LTBP1: variants seen among roughly 807,000 people sequenced by gnomAD.
The protein encoded by LTBP1 is latent-transforming growth factor beta-binding protein 1.
A neutral mutation model predicts 207.6 loss-of-function variants in LTBP1; 129 were observed. The ratio of observed to expected loss-of-function variants is 0.62; its 90% CI spans 0.54 to 0.72. LTBP1 has a LOEUF of 0.72. LTBP1 is among the 30% of genes least tolerant of loss of function. The pLI is 0.00. For missense variants in LTBP1, 2,281 were observed against 2,217.2 expected, an observed-to-expected ratio of 1.03 and a Z score of -0.58; for synonymous variants, 963 against 833.7, an observed-to-expected ratio of 1.16 and a Z score of -2.67.
At chr2:33,325,293 T>C (rs142071380) in intron 24 of LTBP1, among the ~76,000 whole-genome samples, 144 of 152,326 alleles carry the variant, frequency 9.5e-4, no homozygotes, top group African/African-American at 3.3e-3. Flanking sequence ...CTTGGCCTCC[T>C]ATTTGAATAT....
intron 3 of LTBP1, among the ~76,000 whole-genome samples, chr2:33,053,579 AG>A: frequency 6.6e-6 from 1 of 152,010 alleles, no homozygotes; most frequent in African/African-American, 2.4e-5. Context: ...CCTTGATTAG[AG>A]GGGCCTGGCT....
At chr2:33,144,114 TGAGA>T (rs1032874996) in intron 5 of LTBP1, among the ~76,000 whole-genome samples, 7 of 151,670 alleles carry the variant, frequency 4.6e-5, no homozygotes, top group African/African-American at 1.7e-4. Context: ...GTAGAGGCGT[TGAGA>T]GAGAGTGTGC....
At chr2:33,030,234 C>G (rs917087722) in intron 3 of LTBP1, among the ~76,000 whole-genome samples, 1 of 152,144 alleles carries the variant, frequency 6.6e-6, no homozygotes, top group African/African-American at 2.4e-5. Flanking sequence ...GTTCTTAACT[C>G]AGACGGGAAG....
chr2:33,323,248 C>T (rs1305858379), intron 24 of LTBP1, among the ~76,000 whole-genome samples: 1 of 152,150 alleles, frequency 6.6e-6, no homozygotes, highest in Non-Finnish European at 1.5e-5. Flanking sequence ...TTGAATATCT[C>T]ATGTAATTTA....
chr2:33,265,729 T>A (rs545331683), intron 15 of LTBP1, among the ~76,000 whole-genome samples: 10 of 152,140 alleles, frequency 6.6e-5, no homozygotes, highest in African/African-American at 2.4e-4. Context: ...TTTAAGTGTT[T>A]TATTTTAGAT....
chr2:33,188,235 A>G (rs2087421606), intron 6 of LTBP1, among the ~76,000 whole-genome samples: 1 of 152,110 alleles, frequency 6.6e-6, no homozygotes, highest in African/African-American at 2.4e-5. Flanking sequence ...AGCCTGGCCA[A>G]CGTGGTGAAA....
At position 33,275,109 on chromosome 2, in the gene LTBP1, C is replaced by T. The variant is rs200057643; in HGVS notation, c.2869+19C>T. 1.2e-6 allele frequency: 2 copies of T among 1,612,806 alleles called. No homozygotes were observed. The highest frequency in any genetic ancestry group is 1.7e-6 in the Non-Finnish European group (2 of 1,179,196). On this transcript the variant is annotated intron_variant, in intron 17 of 33. Transcript: ENST00000404816. ...TGCATAGGTAATGGCAGCATTCTTC[C>T]TGCTTACAAATTCTTAGATCTGAGT...
At chr2:33,152,188 C>G (rs915893869) in intron 5 of LTBP1, among the ~76,000 whole-genome samples, 7 of 151,956 alleles carry the variant, frequency 4.6e-5, no homozygotes, top group Non-Finnish European at 1.0e-4. Context: ...GGACTAATAT[C>G]CAGAATCTAC....
At chr2:33,166,473 T>G (rs1053638209) in intron 5 of LTBP1, among the ~76,000 whole-genome samples, 7 of 152,206 alleles carry the variant, frequency 4.6e-5, no homozygotes, top group Non-Finnish European at 8.8e-5. Context: ...TTCTTCCATG[T>G]CTCTGATTCT....
intron 15 of LTBP1, among the ~76,000 whole-genome samples, chr2:33,263,603 TA>T (rs1437340686): frequency 1.3e-5 from 2 of 152,158 alleles, no homozygotes; most frequent in East Asian, 3.8e-4. Flanking sequence ...AGTATTAAAA[TA>T]ATGTTTGAAA....
chr2:32,948,788 C>A, intron 1 of LTBP1, 87 bp from the exon 2 acceptor site: 1 of 1,252,000 alleles, frequency 8.0e-7, no homozygotes, highest in Non-Finnish European at 1.2e-6. Flanking sequence ...AAGCTGGAGG[C>A]TGGCCTTTCT....
intron 5 of LTBP1, among the ~76,000 whole-genome samples, chr2:33,174,079 C>G (rs927047509): frequency 2.1e-5 from 3 of 146,292 alleles, no homozygotes; most frequent in Admixed American, 1.4e-4. Flanking sequence ...GGAAGCATTC[C>G]CTTTGAAAAG....
intron 2 of LTBP1, among the ~76,000 whole-genome samples, chr2:33,011,278 G>C (rs2149099667): frequency 6.6e-6 from 1 of 152,182 alleles, no homozygotes; most frequent in Non-Finnish European, 1.5e-5. Context: ...TTTTTGAATT[G>C]ACTAGAACAT....
At chr2:33,136,218 G>T (rs2082133316) in intron 5 of LTBP1, among the ~76,000 whole-genome samples, 1 of 152,200 alleles carries the variant, frequency 6.6e-6, no homozygotes, top group African/African-American at 2.4e-5. Context: ...GTTTTTAAAA[G>T]AATTTAGCCA....
At chr2:32,971,750 T>A (rs1274513384) in intron 2 of LTBP1, among the ~76,000 whole-genome samples, 1 of 152,166 alleles carries the variant, frequency 6.6e-6, no homozygotes, top group Non-Finnish European at 1.5e-5. Context: ...GGCCTGAAGC[T>A]TTTTTTGTTT....
rs558210254 is a variant in LTBP1, at chr2:33,398,637, G to A, written c.*92G>A. 1.1e-5 allele frequency: 14 copies of A among 1,248,546 alleles called. No individual in the cohort carries two copies. Among genetic ancestry groups the A allele is most frequent in the African/African-American group, 6.1e-5 (4 of 65,684 alleles). The allele number at this position is 1,248,546 out of a possible 1,614,324, so 77.3% of individuals were successfully genotyped here. ...ATACTTGAGACATTGCACCTACCCC[G>A]GAAGGCTGGAAATACAGAAACAGCA... On this transcript the variant is annotated 3_prime_UTR_variant, in exon 34 of 34. Coordinates refer to ENST00000404816, the MANE Select transcript of LTBP1 (RefSeq NM_206943.4).
At chr2:33,363,950 T>C (rs999223874) in intron 29 of LTBP1, among the ~76,000 whole-genome samples, 1 of 152,346 alleles carries the variant, frequency 6.6e-6, no homozygotes, top group Middle Eastern at 3.4e-3. Context: ...AGCCATTTAA[T>C]CTTAAATTTC....
intron 3 of LTBP1, among the ~76,000 whole-genome samples, chr2:33,106,816 C>T (rs79755158): frequency 0.064 from 9,749 of 152,220 alleles, 911 homozygotes; most frequent in East Asian, 0.45. Flanking sequence ...CAGCCACCAA[C>T]GAAAGTCAGC....
In LTBP1 at chr2:33,347,422, C is replaced by T. The variant is rs761211292; in HGVS notation, c.3912C>T (p.Asn1304=). 5.6e-6 allele frequency: 9 copies of T among 1,614,042 alleles called. No individual in the cohort carries two copies. Among genetic ancestry groups the T allele is most frequent in the African/African-American group, 2.7e-5 (2 of 74,910 alleles). Residue 1304 remains asparagine, a synonymous_variant, in exon 26 of 34, where the codon AAC becomes AAT. Transcript: ENST00000404816. ...SGVCGEAFCE[N]VEGSFLCVCA... is the part of the protein sequence containing the mutation. ...TGTGTGGTGAAGCCTTCTGTGAAAA[C>T]GTGGAAGGGTCCTTCCTGTGCGTGT...
Sources: allele counts gnomAD v4.1 joint callset (sites outside exome capture counted in the v4.1 genomes callset), GRCh38; gene constraint gnomAD v4.1.1; transcripts MANE v1.5; gene names NCBI Gene and HGNC (gene_info 2026-07-23, HGNC 2026-07-21).